The following WASF3 variants were observed in gnomAD, a reference collection of about 807,000 sequenced individuals.
WASF3 encodes WASP family member 3.
Under a neutral mutation model 46.6 loss-of-function variants are expected in WASF3, and 11 were observed. The observed-to-expected ratio is 0.24, with a 90% CI of 0.15 to 0.39. The LOEUF is 0.39. WASF3 is among the 10% of genes least tolerant of loss of function. The probability of loss-of-function intolerance (pLI) is 1.00; values close to 1 mark genes in which losing one functional copy is unlikely to be tolerated. For missense variants in WASF3, 576 were observed against 669.8 expected (o/e 0.86, Z 1.55); for synonymous variants, 242 against 259.7 (o/e 0.93, Z 0.65).
At chr13:26,559,802 TTCTTTC>T (rs1879225347) in intron 1 of WASF3, among the ~76,000 whole-genome samples, 1 of 62,446 alleles carries the variant, frequency 1.6e-5, no homozygotes, top group African/African-American at 6.8e-5. Context: ...CTTTCTTTCT[TTCTTTC>T]TTTTTTTTTT....
At chr13:26,619,983 G>C (rs1052147632) in intron 2 of WASF3, among the ~76,000 whole-genome samples, 1 of 152,096 alleles carries the variant, frequency 6.6e-6, no homozygotes, top group East Asian at 1.9e-4. Context: ...TTTATAATTG[G>C]GACCTGTAGG....
At chr13:26,566,116 G>T (rs939104323) in intron 1 of WASF3, among the ~76,000 whole-genome samples, 1 of 152,136 alleles carries the variant, frequency 6.6e-6, no homozygotes, top group Admixed American at 6.5e-5. Context: ...TCTGATGATT[G>T]TCAAATTTCA....
At chr13:26,567,941 G>A (rs777777442) in intron 1 of WASF3, among the ~76,000 whole-genome samples, 2 of 152,064 alleles carry the variant, frequency 1.3e-5, no homozygotes, top group Non-Finnish European at 2.9e-5. Context: ...AGATACAAAC[G>A]AAAGTGAAGG....
intron 9 of WASF3, among the ~76,000 whole-genome samples, chr13:26,683,519 G>A (rs1022810597): frequency 6.6e-6 from 1 of 151,416 alleles, no homozygotes; most frequent in Admixed American, 6.6e-5. Context: ...TACTTACCTT[G>A]AAACCAGAAA....
intron 5 of WASF3, among the ~76,000 whole-genome samples, chr13:26,671,498 A>G (rs1449776722): frequency 6.6e-6 from 1 of 152,206 alleles, no homozygotes; most frequent in Non-Finnish European, 1.5e-5. Flanking sequence ...ATGTGTTCTT[A>G]GTAAGAATCC....
the WASF3 span, among the ~76,000 whole-genome samples, chr13:26,540,306 G>A: frequency 6.6e-5 from 10 of 152,286 alleles, 1 homozygote; most frequent in South Asian, 2.1e-3. Flanking sequence ...TATAGCAGCA[G>A]CCCAGGGCTC....
intron 6 of WASF3, among the ~76,000 whole-genome samples, chr13:26,675,836 T>G (rs1883053520): frequency 6.6e-6 from 1 of 152,160 alleles, no homozygotes; most frequent in Non-Finnish European, 1.5e-5. Flanking sequence ...GAGGGAAACG[T>G]AGGAAATAAA....
intron 1 of WASF3, among the ~76,000 whole-genome samples, chr13:26,598,336 G>A (rs1160793322): frequency 1.3e-5 from 2 of 151,888 alleles, no homozygotes; most frequent in African/African-American, 4.8e-5. Context: ...AAATTTGTTT[G>A]AGTTCATTGT....
At chr13:26,570,563 C>A (rs1238476333) in intron 1 of WASF3, among the ~76,000 whole-genome samples, 3 of 151,994 alleles carry the variant, frequency 2.0e-5, no homozygotes, top group African/African-American at 7.2e-5. Context: ...TTGCACTTTG[C>A]TTTTTTTCAC....
chr13:26,550,881 A>G, the WASF3 span, among the ~76,000 whole-genome samples: 3 of 152,104 alleles, frequency 2.0e-5, no homozygotes, highest in East Asian at 5.8e-4. Flanking sequence ...GAGTGACACA[A>G]TTGTCACTGG....
At chr13:26,582,451 G>A (rs894374526) in intron 1 of WASF3, among the ~76,000 whole-genome samples, 4 of 151,978 alleles carry the variant, frequency 2.6e-5, no homozygotes, top group African/African-American at 9.7e-5. Flanking sequence ...CGAGGTGGGC[G>A]GATTGCCTGA....
In WASF3 at chr13:26,685,865, C is replaced by G. The variant is rs1432738940; in HGVS notation, c.*20C>G. ...GACTGAGCAAAGGCCGGCGGAGAGG[C>G]CGCGTGTGGGAGCGTGTTGAAGATT... is the stretch of plus-strand genomic sequence containing the variant. On this transcript the variant is annotated 3_prime_UTR_variant, in exon 10 of 10. Coordinates refer to ENST00000335327, the MANE Select transcript of WASF3 (RefSeq NM_006646.6). 10 of 1,606,010 alleles carry G rather than the reference C, an allele frequency of 6.2e-6. No homozygotes were observed. Among genetic ancestry groups the G allele is most frequent in the Non-Finnish European group, 8.5e-6 (10 of 1,173,110 alleles).
chr13:26,646,515 C>T (rs1001175345), intron 3 of WASF3, among the ~76,000 whole-genome samples: 4 of 152,108 alleles, frequency 2.6e-5, no homozygotes, highest in Admixed American at 2.6e-4. Flanking sequence ...CTTCACTGCT[C>T]ACCCCCCACA....
At chr13:26,651,105 T>C (rs1000489426) in intron 3 of WASF3, among the ~76,000 whole-genome samples, 1 of 152,176 alleles carries the variant, frequency 6.6e-6, no homozygotes, top group African/African-American at 2.4e-5. Flanking sequence ...GTGGATTACT[T>C]GAGGCCAGGA....
intron 1 of WASF3, among the ~76,000 whole-genome samples, chr13:26,567,196 A>G (rs1879491757): frequency 6.6e-6 from 1 of 152,356 alleles, no homozygotes; most frequent in South Asian, 2.1e-4. Flanking sequence ...AGCACACTTC[A>G]TATCCCTCAA....
At chr13:26,642,580 A>T (rs1379637629) in intron 3 of WASF3, among the ~76,000 whole-genome samples, 177 bp downstream of exon 3, 1 of 152,232 alleles carries the variant, frequency 6.6e-6, no homozygotes, top group African/African-American at 2.4e-5. Flanking sequence ...GTGATGCTTA[A>T]CTTTAGGCAA....
intron 9 of WASF3, among the ~76,000 whole-genome samples, chr13:26,684,315 G>C (rs1356981447): frequency 6.6e-6 from 1 of 151,748 alleles, no homozygotes; most frequent in Non-Finnish European, 1.5e-5. Flanking sequence ...TCTACCAAGA[G>C]TAGATACATA....
At chr13:26,637,369 T>A (rs1881860157) in intron 2 of WASF3, among the ~76,000 whole-genome samples, 1 of 151,988 alleles carries the variant, frequency 6.6e-6, no homozygotes, top group Non-Finnish European at 1.5e-5. Flanking sequence ...GAATGCTGGG[T>A]TTTCTCTCTT....
chr13:26,625,541 G>A (rs1214624565), intron 2 of WASF3, among the ~76,000 whole-genome samples: 12 of 152,064 alleles, frequency 7.9e-5, no homozygotes, highest in Admixed American at 7.2e-4. Context: ...CTTAAGAAGA[G>A]AGAGAGAGAG....
Sources: gnomAD v4.1 joint callset for allele counts (sites outside exome capture counted in the v4.1 genomes callset) on GRCh38, gnomAD v4.1.1 for gene constraint, MANE v1.5 for transcripts, NCBI Gene and HGNC (gene_info 2026-07-23, HGNC 2026-07-21) for gene names.